ZC2HC1A: variants seen among roughly 807,000 people sequenced by gnomAD.
ZC2HC1A encodes the protein zinc finger C2HC domain-containing protein 1A.
A neutral mutation model predicts 40.7 loss-of-function variants in ZC2HC1A; 28 were observed. The ratio of observed to expected loss-of-function variants is 0.69; its 90% confidence interval spans 0.51 to 0.94. ZC2HC1A has a LOEUF of 0.94. ZC2HC1A is among the 40% of genes least tolerant of loss of function. The probability of loss-of-function intolerance (pLI) is 0.00; values close to 1 mark genes in which losing one functional copy is unlikely to be tolerated. For synonymous variants in ZC2HC1A, 129 were observed against 129.2 expected, an observed-to-expected ratio of 1.00 and a Z score of 0.01; for missense variants, 389 against 386.3, an observed-to-expected ratio of 1.01 and a Z score of -0.06.
chr8:78,692,551 T>A (rs1225838103), intron 5 of ZC2HC1A, among the ~76,000 whole-genome samples: 1 of 152,182 alleles, frequency 6.6e-6, no homozygotes, highest in African/African-American at 2.4e-5. Flanking sequence ...AAAGTGTTTT[T>A]ACTTTCTTTC....
Position 78,717,385 on chromosome 8 carries a change from A to C in ZC2HC1A, c.870A>C (p.Gly290=). The change falls in exon 9 of 9, where the codon GGA becomes GGC. Residue 290 remains glycine, a synonymous_variant. Coordinates refer to ENST00000263849, the MANE Select transcript of ZC2HC1A (RefSeq NM_016010.3). The part of the protein sequence containing the change: ...LNGGNIKGIE[G]HSPGNLPKFC... ...GTGGAAATATTAAAGGCATTGAAGG[A>C]CATTCACCTGGAAACTTACCAAAAT... 6.2e-7 allele frequency: 1 copy of C among 1,613,810 alleles called. No individual in the cohort carries two copies. The highest frequency in any genetic ancestry group is 8.5e-7 in the Non-Finnish European group (1 of 1,179,910).
intron 1 of ZC2HC1A, among the ~76,000 whole-genome samples, chr8:78,673,329 G>A (rs907261451): frequency 6.6e-6 from 1 of 152,108 alleles, no homozygotes; most frequent in Non-Finnish European, 1.5e-5. Flanking sequence ...TGGGCATTTG[G>A]GTTGGTTCTA....
intron 5 of ZC2HC1A, among the ~76,000 whole-genome samples, chr8:78,696,666 C>T (rs1429862215): frequency 6.6e-6 from 1 of 152,126 alleles, no homozygotes; most frequent in Non-Finnish European, 1.5e-5. Flanking sequence ...TAGGTCAATG[C>T]ATACTCCATT....
chr8:78,687,814 AATATATATATTCATGTAATAAATT>A lies in ZC2HC1A; in HGVS notation c.352+1218_352+1241del, dbSNP rs1563627068. Among the ~76,000 whole-genome samples, 4 of 132,348 alleles carry A rather than the reference AATATATATATTCATGTAATAAATT, an allele frequency of 3.0e-5. No individual in the cohort carries two copies. The East Asian group carries it at 8.3e-4, about 27-fold the overall frequency. The allele number at this position is 132,348 out of a possible 152,430, so 86.8% of individuals were successfully genotyped here. A position where few individuals can be genotyped will look rare whatever the true frequency, so the allele number is the denominator to read the frequency against. On this transcript the variant is annotated intron_variant, in intron 4 of 8. Coordinates refer to ENST00000263849, the MANE Select transcript of ZC2HC1A (RefSeq NM_016010.3). ...ATACATTATATATATTCATGTAATA[AATATATATATTCATGTAATAAATT>A]ATATATATATTTATATAATATATAT...
intron 6 of ZC2HC1A, among the ~76,000 whole-genome samples, chr8:78,697,768 T>C (rs1810473824): frequency 6.6e-6 from 1 of 150,754 alleles, no homozygotes; most frequent in South Asian, 2.1e-4. Context: ...AACCTTCGCC[T>C]CCCAGGTTCA....
rs1402999666 is a variant in ZC2HC1A, at chr8:78,718,893, G to C, written c.*1400G>C. ...AGCTTTTTTTTTTGTTTATGATTCT[G>C]ATCAACTATAAGACACAATGTAAAG... On this transcript the variant is annotated 3_prime_UTR_variant, in exon 9 of 9. Coordinates refer to ENST00000263849, the MANE Select transcript of ZC2HC1A (RefSeq NM_016010.3). 3 of 150,842 alleles carry C rather than the reference G, an allele frequency of 2.0e-5. No homozygotes were observed. Among genetic ancestry groups the C allele is most frequent in the African/African-American group, 7.3e-5 (3 of 41,130 alleles). 9.3% of individuals were successfully genotyped at this position (150,842 alleles called of 1,614,324 possible).
In ZC2HC1A at chr8:78,694,665, T is replaced by C. The variant is rs145601009; in HGVS notation, c.505-2742T>C. Among the ~76,000 whole-genome samples the C allele has an allele frequency of 2.0e-4, 31 of 152,306 alleles. No individual in the cohort carries two copies. In the East Asian group the frequency reaches 4.4e-3, roughly 22 times the overall value. On this transcript the variant is annotated intron_variant, in intron 5 of 8. Transcript: ENST00000263849. ...GCATTTTTAGTTGTTAATTGAAAGGTTGGTCTAAATAGTAAGTTCTACCAT... is the reference window on the plus strand; with the variant it reads ...GCATTTTTAGTTGTTAATTGAAAGGCTGGTCTAAATAGTAAGTTCTACCAT...
At chr8:78,699,835 T>G (rs1313179236) in intron 7 of ZC2HC1A, among the ~76,000 whole-genome samples, 1 of 152,176 alleles carries the variant, frequency 6.6e-6, no homozygotes, top group Non-Finnish European at 1.5e-5. Context: ...TTCCATGGTG[T>G]TTATGTACTA....
At chr8:78,678,832 T>A in intron 3 of ZC2HC1A, 153 bp downstream of exon 3, 1 of 461,168 alleles carries the variant, frequency 2.2e-6, no homozygotes, top group Non-Finnish European at 3.6e-6. Flanking sequence ...ATGTTCAGTT[T>A]AGAAATTATC....
intron 1 of ZC2HC1A, among the ~76,000 whole-genome samples, chr8:78,668,325 A>T (rs1809357953): frequency 6.6e-6 from 1 of 152,170 alleles, no homozygotes; most frequent in Non-Finnish European, 1.5e-5. Context: ...TAGTACTTTG[A>T]AGGTGTTTAA....
intron 1 of ZC2HC1A, among the ~76,000 whole-genome samples, chr8:78,669,668 T>A (rs1461804854): frequency 6.6e-6 from 1 of 152,174 alleles, no homozygotes; most frequent in East Asian, 1.9e-4. Context: ...ATGTCATTAT[T>A]GTGTCCTTAT....
At position 78,666,126 on chromosome 8, in the gene ZC2HC1A, G is replaced by C; in HGVS notation, c.-23G>C. On this transcript the variant is annotated 5_prime_UTR_variant, in exon 1 of 9. Coordinates refer to ENST00000263849, the MANE Select transcript of ZC2HC1A (RefSeq NM_016010.3). ...TGGCGGGCGCTGCTGAAGGAGTCTC[G>C]CTGAGCTCGAGGAGGTGGCGCGATG... 1 of 1,565,060 alleles carries C rather than the reference G, an allele frequency of 6.4e-7. No homozygotes were observed. Among genetic ancestry groups the C allele is most frequent in the Non-Finnish European group, 8.7e-7 (1 of 1,154,804 alleles).
At chr8:78,716,780 G>A (rs895652265) in intron 8 of ZC2HC1A, among the ~76,000 whole-genome samples, 1 of 152,104 alleles carries the variant, frequency 6.6e-6, no homozygotes, top group Non-Finnish European at 1.5e-5. Flanking sequence ...TTAGAGGAGG[G>A]GCCTGGTGAT....
intron 3 of ZC2HC1A, chr8:78,679,359 C>G (rs912452214): frequency 1.3e-5 from 2 of 152,162 alleles, no homozygotes; most frequent in South Asian, 4.1e-4. Flanking sequence ...ACTCAAACTC[C>G]TTATGGCATA....
chr8:78,708,893 C>T (rs1043194884), intron 7 of ZC2HC1A, among the ~76,000 whole-genome samples: 2 of 151,936 alleles, frequency 1.3e-5, no homozygotes, highest in Non-Finnish European at 2.9e-5. Context: ...CTCAAACTTC[C>T]GACCTCAAGT....
chr8:78,693,525 G>C (rs1420589913), intron 5 of ZC2HC1A, among the ~76,000 whole-genome samples: 2 of 152,108 alleles, frequency 1.3e-5, no homozygotes, highest in Non-Finnish European at 2.9e-5. Flanking sequence ...CCGCATAAAT[G>C]TCTTCTTTTG....
At chr8:78,677,385 C>T (rs1162559644) in intron 2 of ZC2HC1A, among the ~76,000 whole-genome samples, 2 of 151,732 alleles carry the variant, frequency 1.3e-5, no homozygotes, top group Admixed American at 1.3e-4. Context: ...TAGTAGAACA[C>T]TAGATAAGCT....
At chr8:78,682,277 G>A (rs537359368) in intron 3 of ZC2HC1A, among the ~76,000 whole-genome samples, 1 of 152,196 alleles carries the variant, frequency 6.6e-6, no homozygotes, top group African/African-American at 2.4e-5. Context: ...AGTTAGATAA[G>A]AAGAAGAAAT....
intron 7 of ZC2HC1A, among the ~76,000 whole-genome samples, chr8:78,700,291 G>A (rs893293448): frequency 1.3e-5 from 2 of 151,868 alleles, no homozygotes; most frequent in Non-Finnish European, 2.9e-5. Flanking sequence ...GTTCATGTCT[G>A]TTGTCCACTT....
Sources: allele counts gnomAD v4.1 joint callset (sites outside exome capture counted in the v4.1 genomes callset), GRCh38; gene constraint gnomAD v4.1.1; transcripts MANE v1.5; gene names NCBI Gene and HGNC (gene_info 2026-07-23, HGNC 2026-07-21).